The following SLC44A3 variants were observed in gnomAD, a reference collection of about 807,000 sequenced individuals.
The protein encoded by SLC44A3 is solute carrier family 44 member 3.
A neutral mutation model predicts 75.4 loss-of-function variants in SLC44A3; 74 were observed. The observed-to-expected ratio is 0.98, with a 90% CI of 0.81 to 1.19. SLC44A3 has a LOEUF of 1.19. SLC44A3 is among the 50% of genes most tolerant of loss of function. The probability of loss-of-function intolerance (pLI) is 0.00; values close to 1 mark genes in which losing one functional copy is unlikely to be tolerated. For synonymous variants in SLC44A3, 310 were observed against 296.9 expected (o/e 1.04, Z -0.45); for missense variants, 700 against 778.6 (o/e 0.90, Z 1.20).
rs970674805 is a variant in SLC44A3, at chr1:94,820,496, C to T, written c.27+18C>T. The T allele has an allele frequency of 5.4e-6, 8 of 1,491,916 alleles. No homozygotes were observed. The African/African-American group carries it at 8.6e-5, about 16-fold the overall frequency. 92.4% of individuals were successfully genotyped at this position (1,491,916 alleles called of 1,614,324 possible). Reference sequence around the variant, plus strand: ...AGTACCTGGTAAGCGCTCGCAGCCTCGGCCCTCGGGGGAGGAGCCCCGGGG... The same window carrying T: ...AGTACCTGGTAAGCGCTCGCAGCCTTGGCCCTCGGGGGAGGAGCCCCGGGG... On this transcript the variant is annotated intron_variant, in intron 1 of 14. Coordinates refer to ENST00000271227, the MANE Select transcript of SLC44A3 (RefSeq NM_001114106.3).
chr1:94,828,930 T>C (rs1661738730), intron 5 of SLC44A3, among the ~76,000 whole-genome samples: 1 of 152,118 alleles, frequency 6.6e-6, no homozygotes, highest in South Asian at 2.1e-4. Context: ...ACTCCAATTA[T>C]TTATTGCAAA....
chr1:94,823,423 A>T (rs893708981), intron 2 of SLC44A3, among the ~76,000 whole-genome samples: 1 of 152,140 alleles, frequency 6.6e-6, no homozygotes, highest in Non-Finnish European at 1.5e-5. Flanking sequence ...GATCTTGGAG[A>T]GTGGGAAAGG....
chr1:94,848,101 C>T lies in SLC44A3; in HGVS notation c.1072+2637C>T, dbSNP rs148692378. 3.6e-3 allele frequency among the ~76,000 whole-genome samples: 552 copies of T among 152,096 alleles called. 4 individuals are homozygous for T. Among genetic ancestry groups the T allele is most frequent in the African/African-American group, 0.012 (491 of 41,494 alleles). ...AAACTTAGCCGGGCGTGGTGGCGGG[C>T]GCCTATAGTCCCAGCTACTCGGGAG... On this transcript the variant is annotated intron_variant, in intron 9 of 14. Transcript: ENST00000271227.
intron 12 of SLC44A3, among the ~76,000 whole-genome samples, chr1:94,887,571 A>C (rs1669722068): frequency 6.6e-6 from 1 of 152,228 alleles, no homozygotes; most frequent in Admixed American, 6.5e-5. Flanking sequence ...TTTAAATTTT[A>C]ATCATTTTAG....
chr1:94,855,741 G>T (rs1054499783), intron 9 of SLC44A3, among the ~76,000 whole-genome samples: 1 of 152,144 alleles, frequency 6.6e-6, no homozygotes, highest in Non-Finnish European at 1.5e-5. Flanking sequence ...TCTACAGCAC[G>T]GATATCCTCC....
At chr1:94,831,632 T>A (rs1386953465) in intron 5 of SLC44A3, among the ~76,000 whole-genome samples, 1 of 152,240 alleles carries the variant, frequency 6.6e-6, no homozygotes, top group African/African-American at 2.4e-5. Flanking sequence ...TGGTAATGTA[T>A]TTTGAGTCCC....
intron 12 of SLC44A3, among the ~76,000 whole-genome samples, chr1:94,878,041 TG>T (rs1668493920): frequency 6.6e-6 from 1 of 152,106 alleles, no homozygotes; most frequent in African/African-American, 2.4e-5. Context: ...GAGACCATCC[TG>T]GCTAACACGG....
intron 12 of SLC44A3, among the ~76,000 whole-genome samples, chr1:94,887,117 G>A (rs1669673106): frequency 6.6e-6 from 1 of 151,952 alleles, no homozygotes; most frequent in South Asian, 2.1e-4. Context: ...TCCACATTTT[G>A]TTAGAGTCTG....
At chr1:94,829,441 A>G (rs1343484732) in intron 5 of SLC44A3, among the ~76,000 whole-genome samples, 1 of 152,226 alleles carries the variant, frequency 6.6e-6, no homozygotes, top group Non-Finnish European at 1.5e-5. Flanking sequence ...GGTCCTTATC[A>G]AGAGTACACT....
intron 6 of SLC44A3, among the ~76,000 whole-genome samples, chr1:94,838,603 C>T (rs1446692950): frequency 6.6e-6 from 1 of 152,226 alleles, no homozygotes; most frequent in Non-Finnish European, 1.5e-5. Context: ...TTTGGTCAGA[C>T]ATTAACATAT....
intron 12 of SLC44A3, among the ~76,000 whole-genome samples, chr1:94,874,596 C>G (rs1186673447): frequency 6.6e-6 from 1 of 152,176 alleles, no homozygotes; most frequent in South Asian, 2.1e-4. Flanking sequence ...GGAACTCCTG[C>G]GAGGCAATTG....
intron 13 of SLC44A3, 126 bp from the exon 14 acceptor site, chr1:94,892,155 C>A: frequency 1.1e-6 from 1 of 870,120 alleles, no homozygotes; most frequent in South Asian, 1.8e-5. Flanking sequence ...TTCTGACAAG[C>A]ATTCTTTACA....
chr1:94,880,382 A>T (rs184703457), intron 12 of SLC44A3, among the ~76,000 whole-genome samples: 21 of 152,344 alleles, frequency 1.4e-4, no homozygotes, highest in Admixed American at 3.9e-4. Context: ...AAATCCTGTC[A>T]TATGCTACAA....
intron 8 of SLC44A3, chr1:94,843,545 C>CATCTG (rs144867333): frequency 0.53 from 80,686 of 151,454 alleles, 21,692 homozygotes; most frequent in East Asian, 0.74. Flanking sequence ...TATCCACTGT[C>CATCTG]ACTGTCTTTC....
intron 9 of SLC44A3, among the ~76,000 whole-genome samples, chr1:94,849,314 T>C (rs1159738452): frequency 1.3e-5 from 2 of 152,092 alleles, no homozygotes; most frequent in Non-Finnish European, 2.9e-5. Flanking sequence ...GATTTTAGGC[T>C]TCTCAGGAGA....
rs202140488 is a variant in SLC44A3 at position 94,842,136 on chromosome 1, T to A, written c.885+12T>A. On this transcript the variant is annotated intron_variant, in intron 8 of 14. Transcript: ENST00000271227. ...CCACAGGCATCACGGTAAGAAATGC[T>A]CTTCTAGCAGTAGGTCAGGTAGCCA... is the stretch of plus-strand genomic sequence containing the variant. 21 of 1,596,830 alleles carry A rather than the reference T, an allele frequency of 1.3e-5. No individual in the cohort carries two copies. In the East Asian group the frequency reaches 4.5e-4, roughly 34 times the overall value.
At chr1:94,824,402 A>G (rs1445333191) in intron 2 of SLC44A3, 91 bp from the exon 3 acceptor site, 4 of 1,438,810 alleles carry the variant, frequency 2.8e-6, no homozygotes, top group Middle Eastern at 2.5e-4. Context: ...ACGTTCCACC[A>G]GGCTCCGTTT....
chr1:94,823,167 C>A (rs1471157482), intron 2 of SLC44A3, among the ~76,000 whole-genome samples: 1 of 152,102 alleles, frequency 6.6e-6, no homozygotes, highest in African/African-American at 2.4e-5. Context: ...TATTAGATTA[C>A]TGGTGAGCTG....
At chr1:94,825,714 G>T (rs550169110) in intron 3 of SLC44A3, 47 of 378,396 alleles carry the variant, frequency 1.2e-4, no homozygotes, top group Non-Finnish European at 2.4e-4. Flanking sequence ...TATAAGTTTG[G>T]AGTCACCAAA....
Sources: allele counts gnomAD v4.1 joint callset (sites outside exome capture counted in the v4.1 genomes callset), GRCh38; gene constraint gnomAD v4.1.1; transcripts MANE v1.5; gene names NCBI Gene and HGNC (gene_info 2026-07-23, HGNC 2026-07-21).